CDH18: variants seen among roughly 807,000 people sequenced by gnomAD.
The protein encoded by CDH18 is cadherin 18, also known as cadherin-18.
In CDH18, 31 loss-of-function variants were observed where a neutral mutation model predicts 67.9. The ratio of observed to expected loss-of-function variants is 0.46; its 90% confidence interval spans 0.34 to 0.62. CDH18 has a LOEUF of 0.62. Among genes scored for constraint, CDH18 ranks in the 20% least tolerant of loss-of-function variants. CDH18 has a pLI of 0.01. For synonymous variants in CDH18, 362 were observed against 347.2 expected, an observed-to-expected ratio of 1.04 and a Z score of -0.48; for missense variants, 890 against 975.5, an observed-to-expected ratio of 0.91 and a Z score of 1.17.
chr5:19,530,452 C>CT (rs1417747633), intron 9 of CDH18, among the ~76,000 whole-genome samples: 1 of 151,964 alleles, frequency 6.6e-6, no homozygotes, highest in Non-Finnish European at 1.5e-5. Flanking sequence ...TATTATTATA[C>CT]TTTAAGTTTT....
intron 2 of CDH18, among the ~76,000 whole-genome samples, chr5:19,936,850 T>C (rs1018971204): frequency 1.5e-4 from 22 of 150,990 alleles, no homozygotes; most frequent in Admixed American, 2.7e-4. Context: ...AACTGACAAA[T>C]AAGTTAAAAA....
At chr5:20,574,634 G>T (rs1157188423) in intron 1 of CDH18, among the ~76,000 whole-genome samples, 1 of 151,926 alleles carries the variant, frequency 6.6e-6, no homozygotes, top group Non-Finnish European at 1.5e-5. Flanking sequence ...GGACTGCATT[G>T]CCCCAGCTCA....
chr5:19,598,999 G>A (rs981817443), intron 6 of CDH18, among the ~76,000 whole-genome samples: 1 of 151,938 alleles, frequency 6.6e-6, no homozygotes, highest in Non-Finnish European at 1.5e-5. Flanking sequence ...ATAGAAAAAA[G>A]GCAATTTGTT....
chr5:20,061,237 T>C (rs1039850774), intron 2 of CDH18, among the ~76,000 whole-genome samples: 2 of 151,912 alleles, frequency 1.3e-5, no homozygotes, highest in Non-Finnish European at 2.9e-5. Flanking sequence ...AAAAAACTAG[T>C]AAATTTCATA....
At chr5:20,009,625 A>C (rs1467222592) in intron 2 of CDH18, among the ~76,000 whole-genome samples, 1 of 152,144 alleles carries the variant, frequency 6.6e-6, no homozygotes, top group Non-Finnish European at 1.5e-5. Flanking sequence ...GTATTATGTC[A>C]ACCAGCTAAA....
intron 8 of CDH18, among the ~76,000 whole-genome samples, chr5:19,556,449 T>A (rs1177995622): frequency 6.6e-6 from 1 of 151,834 alleles, no homozygotes; most frequent in Non-Finnish European, 1.5e-5. Context: ...CTTCTGGAAA[T>A]CAATGACATA....
intron 1 of CDH18, among the ~76,000 whole-genome samples, chr5:20,516,879 G>A (rs13357806): frequency 0.023 from 3,530 of 151,906 alleles, 131 homozygotes; most frequent in African/African-American, 0.081. Flanking sequence ...GACAAATTAC[G>A]TGTTTTCAAA....
intron 8 of CDH18, among the ~76,000 whole-genome samples, chr5:19,553,888 C>A (rs1399172313): frequency 6.6e-6 from 1 of 151,922 alleles, no homozygotes; most frequent in African/African-American, 2.4e-5. Context: ...CTCGCCTCGA[C>A]CTTCCAAAGT....
chr5:20,062,337 AG>A (rs1742573161), intron 2 of CDH18, among the ~76,000 whole-genome samples: 1 of 151,834 alleles, frequency 6.6e-6, no homozygotes. Context: ...TATTTTTAGC[AG>A]ACATGGGGTT....
intron 2 of CDH18, among the ~76,000 whole-genome samples, chr5:20,106,208 T>G (rs1246086855): frequency 6.6e-6 from 1 of 152,176 alleles, no homozygotes; most frequent in Admixed American, 6.5e-5. Flanking sequence ...TGGACCTACC[T>G]CCACAGCTCA....
chr5:20,443,616 T>G (rs1199453926), intron 1 of CDH18, among the ~76,000 whole-genome samples: 1 of 151,942 alleles, frequency 6.6e-6, no homozygotes, highest in Non-Finnish European at 1.5e-5. Flanking sequence ...AGGTTATTCT[T>G]TATGAGTAAC....
intron 1 of CDH18, among the ~76,000 whole-genome samples, chr5:20,543,496 C>A (rs1757169933): frequency 6.6e-6 from 1 of 151,976 alleles, no homozygotes; most frequent in African/African-American, 2.4e-5. Context: ...GGATTTAAAG[C>A]TGCTGATTTG....
At chr5:19,814,672 A>G (rs1442070985) in intron 3 of CDH18, among the ~76,000 whole-genome samples, 1 of 152,024 alleles carries the variant, frequency 6.6e-6, no homozygotes, top group Non-Finnish European at 1.5e-5. Context: ...GATAGAAACA[A>G]TAATAGAATG....
intron 2 of CDH18, among the ~76,000 whole-genome samples, chr5:20,227,410 C>T (rs528154979): frequency 6.6e-6 from 1 of 152,162 alleles, no homozygotes; most frequent in African/African-American, 2.4e-5. Context: ...AACTGGCACA[C>T]GACTGTGCTT....
At chr5:20,175,778 T>C (rs1737184122) in intron 2 of CDH18, among the ~76,000 whole-genome samples, 1 of 152,114 alleles carries the variant, frequency 6.6e-6, no homozygotes, top group Non-Finnish European at 1.5e-5. Flanking sequence ...GCCTGCTTTA[T>C]ATTCTAGCCT....
At chr5:19,644,721 C>T (rs1032761188) in intron 5 of CDH18, among the ~76,000 whole-genome samples, 2 of 152,074 alleles carry the variant, frequency 1.3e-5, no homozygotes, top group African/African-American at 2.4e-5. Flanking sequence ...TGGTATGACC[C>T]GTGAAGCATC....
intron 5 of CDH18, among the ~76,000 whole-genome samples, chr5:19,672,840 T>C (rs890981721): frequency 2.0e-5 from 3 of 152,054 alleles, no homozygotes; most frequent in African/African-American, 7.2e-5. Context: ...TATTTGATGA[T>C]AGTGTTTGTT....
At chr5:20,568,091 T>C (rs1758615185) in intron 1 of CDH18, among the ~76,000 whole-genome samples, 2 of 152,194 alleles carry the variant, frequency 1.3e-5, no homozygotes, top group Non-Finnish European at 2.9e-5. Context: ...TCATTGAACC[T>C]GTAGATTAGC....
chr5:19,797,307 A>G (rs982447976), intron 3 of CDH18, among the ~76,000 whole-genome samples: 6 of 151,954 alleles, frequency 3.9e-5, no homozygotes, highest in African/African-American at 1.4e-4. Context: ...ACTCTTATCC[A>G]ACTTAGTAAC....
Sources: gnomAD v4.1 joint callset for allele counts (sites outside exome capture counted in the v4.1 genomes callset) on GRCh38, gnomAD v4.1.1 for gene constraint, MANE v1.5 for transcripts, NCBI Gene and HGNC (gene_info 2026-07-23, HGNC 2026-07-21) for gene names.